SOX5: variants seen among roughly 807,000 people sequenced by gnomAD.
SOX5 encodes SRY-box transcription factor 5.
In SOX5, 9 loss-of-function variants were observed where a neutral mutation model predicts 92.0. The ratio of observed to expected loss-of-function variants is 0.10; its 90% CI spans 0.06 to 0.17. The LOEUF (loss-of-function observed/expected upper bound fraction) is 0.17. Among genes scored for constraint, SOX5 ranks in the 10% least tolerant of loss-of-function variants. SOX5 has a pLI of 1.00. For synonymous variants in SOX5, 344 were observed against 336.3 expected, an observed-to-expected ratio of 1.02 and a Z score of -0.25; for missense variants, 642 against 944.5, an observed-to-expected ratio of 0.68 and a Z score of 4.20.
chr12:24,026,520 C>G (rs1166599720), intron 4 of SOX5, among the ~76,000 whole-genome samples: 5 of 147,318 alleles, frequency 3.4e-5, no homozygotes, highest in African/African-American at 1.3e-4. Context: ...GAGGCCAAGG[C>G]AGGTGGATCA....
At chr12:24,203,876 T>C (rs1262983170) in intron 4 of SOX5, among the ~76,000 whole-genome samples, 1 of 152,250 alleles carries the variant, frequency 6.6e-6, no homozygotes, top group Non-Finnish European at 1.5e-5. Flanking sequence ...TTAAGTTTTC[T>C]TGCTATTTTT....
intron 11 of SOX5, among the ~76,000 whole-genome samples, chr12:23,561,399 C>T (rs1192666546): frequency 6.6e-6 from 1 of 152,102 alleles, no homozygotes; most frequent in Non-Finnish European, 1.5e-5. Context: ...AAAGGCTGTG[C>T]AGAGTCACTG....
chr12:23,866,956 C>G (rs1381790717), intron 2 of SOX5, among the ~76,000 whole-genome samples: 1 of 152,070 alleles, frequency 6.6e-6, no homozygotes, highest in African/African-American at 2.4e-5. Flanking sequence ...CTCAATTTAT[C>G]TTCACTCTCC....
chr12:23,896,312 C>T (rs536263498), intron 1 of SOX5, among the ~76,000 whole-genome samples: 1 of 152,236 alleles, frequency 6.6e-6, no homozygotes, highest in Admixed American at 6.5e-5. Context: ...AATGAAAGAC[C>T]ATTCCATTTT....
chr12:23,601,901 A>C (rs1204809441), intron 9 of SOX5, among the ~76,000 whole-genome samples: 1 of 152,198 alleles, frequency 6.6e-6, no homozygotes, highest in African/African-American at 2.4e-5. Context: ...GGTTGTGGAC[A>C]GTATGCTAGA....
At chr12:23,741,161 T>A in intron 4 of SOX5, 122 bp from the exon 5 acceptor site, 1 of 587,536 alleles carries the variant, frequency 1.7e-6, no homozygotes. Flanking sequence ...ACAAAAGCAT[T>A]ACCTACCTTC....
rs1035401008 is a variant in SOX5 at position 23,655,216 on chromosome 12, G to A, written c.931+10228C>T. 6.6e-5 allele frequency among the ~76,000 whole-genome samples: 10 copies of A among 152,050 alleles called. No homozygotes were observed. In the East Asian group the frequency reaches 1.3e-3, roughly 21 times the overall value. On this transcript the variant is annotated intron_variant, in intron 7 of 14. Coordinates refer to ENST00000451604, the MANE Select transcript of SOX5 (RefSeq NM_006940.6). ...ACTTCTTGGATTAATTATCTAAGAA[G>A]TCTGAGTATCCCTGAAAAGGTGACA... is the stretch of plus-strand genomic sequence containing the variant.
chr12:24,217,396 G>T (rs1292278068), intron 3 of SOX5, among the ~76,000 whole-genome samples: 1 of 152,148 alleles, frequency 6.6e-6, no homozygotes, highest in Non-Finnish European at 1.5e-5. Flanking sequence ...GTGTTAGAAC[G>T]TAATACAATC....
chr12:24,373,234 T>C (rs938352866), intron 1 of SOX5, among the ~76,000 whole-genome samples: 1 of 152,222 alleles, frequency 6.6e-6, no homozygotes, highest in African/African-American at 2.4e-5. Context: ...TTCTAGAATA[T>C]GTTTAGAATA....
intron 4 of SOX5, among the ~76,000 whole-genome samples, chr12:24,100,127 C>G (rs147464132): frequency 1.4e-4 from 21 of 152,250 alleles, no homozygotes; most frequent in African/African-American, 5.1e-4. Context: ...TACAATCTCT[C>G]CCTTCTTACT....
At chr12:24,213,236 A>G (rs1430792014) in intron 4 of SOX5, 1 of 152,084 alleles carries the variant, frequency 6.6e-6, no homozygotes, top group Non-Finnish European at 1.5e-5. Context: ...TTGCAAACCA[A>G]GAACAACTCA....
chr12:23,700,822 G>A (rs1000199598), intron 6 of SOX5, among the ~76,000 whole-genome samples: 5 of 151,930 alleles, frequency 3.3e-5, no homozygotes, highest in Non-Finnish European at 5.9e-5. Flanking sequence ...TTCTTCCTTA[G>A]TGTACTGTAT....
chr12:23,883,627 G>A (rs1474333161), intron 2 of SOX5, among the ~76,000 whole-genome samples: 1 of 152,112 alleles, frequency 6.6e-6, no homozygotes. Flanking sequence ...CAGGGATCCT[G>A]CAAAACTTAG....
At chr12:23,551,175 G>A (rs79002601) in intron 11 of SOX5, among the ~76,000 whole-genome samples, 2,259 of 152,026 alleles carry the variant, frequency 0.015, 62 homozygotes, top group African/African-American at 0.051. Flanking sequence ...TCTTCTGGCT[G>A]CACTTCTTTA....
intron 5 of SOX5, 66 bp from the exon 6 acceptor site, chr12:23,734,818 TTC>T (rs1258381879): frequency 1.7e-5 from 23 of 1,315,370 alleles, no homozygotes; most frequent in Non-Finnish European, 2.4e-5. Context: ...GTTACTAATG[TTC>T]TGTTTCTCAA....
At chr12:24,128,296 T>C (rs75800906) in intron 4 of SOX5, among the ~76,000 whole-genome samples, 1,889 of 152,338 alleles carry the variant, frequency 0.012, 34 homozygotes, top group African/African-American at 0.042. Context: ...AAAAATTCTG[T>C]GCCAGTCCCT....
chr12:24,397,691 T>G (rs1466712908), intron 1 of SOX5, among the ~76,000 whole-genome samples: 1 of 151,924 alleles, frequency 6.6e-6, no homozygotes, highest in Admixed American at 6.6e-5. Context: ...CAACAAACTT[T>G]AAAATGTCAG....
chr12:24,094,454 C>CT (rs5797062), intron 4 of SOX5, among the ~76,000 whole-genome samples: 5,087 of 127,634 alleles, frequency 0.04, 170 homozygotes, highest in African/African-American at 0.081. Context: ...CTATTAGTGG[C>CT]TTTTTTTTTT....
At chr12:24,002,612 C>CA (rs924066411) in intron 4 of SOX5, among the ~76,000 whole-genome samples, 4 of 130,402 alleles carry the variant, frequency 3.1e-5, no homozygotes, top group East Asian at 2.2e-4. Flanking sequence ...AAGTTTCTTC[C>CA]AAAAAAAAAC....
Sources: gnomAD v4.1 joint callset for allele counts (sites outside exome capture counted in the v4.1 genomes callset) on GRCh38, gnomAD v4.1.1 for gene constraint, MANE v1.5 for transcripts, NCBI Gene and HGNC (gene_info 2026-07-23, HGNC 2026-07-21) for gene names.